Variants in HADH observed in about 807,000 individuals in gnomAD.
HADH encodes the protein hydroxyacyl-coenzyme A dehydrogenase, mitochondrial.
A neutral mutation model predicts 32.2 loss-of-function variants in HADH; 24 were observed. That is an observed-to-expected ratio of 0.75 (90% CI 0.54 to 1.05). HADH has a LOEUF of 1.05. Ranked by LOEUF, HADH falls within the 50% of genes least tolerant of loss-of-function variation. HADH has a pLI of 0.00. For missense variants in HADH, 350 were observed against 397.1 expected, an observed-to-expected ratio of 0.88 and a Z score of 1.01; for synonymous variants, 139 against 152.5, an observed-to-expected ratio of 0.91 and a Z score of 0.65.
intron 7 of HADH, 87 bp downstream of exon 7, chr4:108,033,379 G>C (rs1487496575): frequency 7.5e-6 from 6 of 797,840 alleles, no homozygotes; most frequent in Non-Finnish European, 1.1e-5. Flanking sequence ...AAGTTAGCAG[G>C]GGTCTTAATA....
intron 5 of HADH, chr4:108,023,877 C>G: frequency 3.3e-6 from 1 of 301,550 alleles, no homozygotes; most frequent in Non-Finnish European, 6.4e-6. Context: ...GCTGCATTTT[C>G]ATAAATGATT....
At chr4:107,998,578 G>C (rs1224428099) in intron 1 of HADH, among the ~76,000 whole-genome samples, 1 of 152,066 alleles carries the variant, frequency 6.6e-6, no homozygotes, top group Non-Finnish European at 1.5e-5. Context: ...GCGCCCGGCT[G>C]ATTTTTAGGC....
At chr4:108,015,523 C>T (rs10856984) in intron 3 of HADH, among the ~76,000 whole-genome samples, 131,878 of 152,154 alleles carry the variant, frequency 0.87, 58,033 homozygotes, top group East Asian at 0.97. Context: ...TGTTTATTGC[C>T]TTCTCCCAGG....
chr4:107,992,317 A>T (rs1734839369), intron 1 of HADH, among the ~76,000 whole-genome samples: 1 of 152,276 alleles, frequency 6.6e-6, no homozygotes, highest in Admixed American at 6.5e-5. Context: ...ATCCTTATGT[A>T]ACACAGTTTG....
chr4:108,010,029 T>C (rs997998887), intron 2 of HADH, 142 bp downstream of exon 2: 1 of 660,954 alleles, frequency 1.5e-6, no homozygotes, highest in Admixed American at 2.8e-5. Context: ...TTTCCATAAC[T>C]TTAAACCAAT....
chr4:107,998,235 T>C (rs1451910693), intron 1 of HADH, among the ~76,000 whole-genome samples: 1 of 152,108 alleles, frequency 6.6e-6, no homozygotes, highest in African/African-American at 2.4e-5. Context: ...ACATCTAGCT[T>C]AGGGCTGAGA....
chr4:108,017,330 T>A (rs1735725755), intron 3 of HADH, among the ~76,000 whole-genome samples: 1 of 152,134 alleles, frequency 6.6e-6, no homozygotes, highest in Non-Finnish European at 1.5e-5. Context: ...GTCCTGACTT[T>A]CCCCTTTAGA....
chr4:108,026,575 A>G (rs1274492071), intron 5 of HADH: 1 of 152,186 alleles, frequency 6.6e-6, no homozygotes, highest in African/African-American at 2.4e-5. Context: ...CTCATGTGGC[A>G]ATAGATGGGG....
chr4:108,030,416 C>G (rs1182619553), intron 6 of HADH: 1 of 152,574 alleles, frequency 6.6e-6, no homozygotes, highest in Non-Finnish European at 1.5e-5. Flanking sequence ...TCCTCCTCAT[C>G]TTCATATGTC....
chr4:108,033,639 T>G (rs747212653), intron 7 of HADH, among the ~76,000 whole-genome samples: 2 of 152,244 alleles, frequency 1.3e-5, no homozygotes, highest in Admixed American at 1.3e-4. Flanking sequence ...TGGTACACTG[T>G]GTTATCACAT....
At chr4:108,018,266 G>A (rs1449607903) in intron 3 of HADH, among the ~76,000 whole-genome samples, 1 of 152,124 alleles carries the variant, frequency 6.6e-6, no homozygotes, top group Non-Finnish European at 1.5e-5. Context: ...TGTGGTGCAG[G>A]TTGTGTGGTT....
chr4:108,009,602 A>G (rs543613409), intron 1 of HADH, among the ~76,000 whole-genome samples, 157 bp from the exon 2 acceptor site: 25 of 152,174 alleles, frequency 1.6e-4, no homozygotes, highest in Non-Finnish European at 3.7e-4. Context: ...GTGTTTAGTT[A>G]ATGTTGACTT....
chr4:107,990,182 C>G (rs939006144), intron 1 of HADH, 118 bp downstream of exon 1: 13 of 1,043,292 alleles, frequency 1.2e-5, no homozygotes, highest in South Asian at 1.5e-5. Flanking sequence ...GTTTTCACCC[C>G]GCGCCTCCCG....
intron 1 of HADH, among the ~76,000 whole-genome samples, chr4:108,006,483 C>T (rs1262100812): frequency 2.0e-5 from 3 of 152,016 alleles, no homozygotes; most frequent in Non-Finnish European, 4.4e-5. Flanking sequence ...TTAAATATTC[C>T]CAGTTGTTTC....
chr4:107,999,460 CT>C (rs1735051194), intron 1 of HADH, among the ~76,000 whole-genome samples: 1 of 152,160 alleles, frequency 6.6e-6, no homozygotes, highest in African/African-American at 2.4e-5. Context: ...ATTGACTAGA[CT>C]CTGGCTATTA....
intron 1 of HADH, among the ~76,000 whole-genome samples, chr4:108,000,503 G>T (rs759518983): frequency 1.9e-4 from 29 of 152,130 alleles, no homozygotes; most frequent in Non-Finnish European, 2.4e-4. Context: ...ACATCCTGGG[G>T]ACTGGGCTGC....
At chr4:107,993,315 T>C (rs1022789106) in intron 1 of HADH, among the ~76,000 whole-genome samples, 1 of 152,170 alleles carries the variant, frequency 6.6e-6, no homozygotes, top group Non-Finnish European at 1.5e-5. Flanking sequence ...CTGCAGCGGG[T>C]ATGTTTTTTC....
intron 7 of HADH, among the ~76,000 whole-genome samples, chr4:108,033,881 G>A (rs550570074): frequency 4.1e-4 from 62 of 152,330 alleles, no homozygotes; most frequent in African/African-American, 1.3e-3. Flanking sequence ...ATTTTTTAAC[G>A]TGTATTCTGA....
At chr4:108,016,302 GAGTC>G (rs1735692030) in intron 3 of HADH, among the ~76,000 whole-genome samples, 1 of 152,142 alleles carries the variant, frequency 6.6e-6, no homozygotes, top group South Asian at 2.1e-4. Flanking sequence ...TGGCTAAAGA[GAGTC>G]ACTTGCATAC....
Sources: gnomAD v4.1 joint callset for allele counts (sites outside exome capture counted in the v4.1 genomes callset) on GRCh38, gnomAD v4.1.1 for gene constraint, MANE v1.5 for transcripts, NCBI Gene and HGNC (gene_info 2026-07-23, HGNC 2026-07-21) for gene names.